CDIN1: variants seen among roughly 807,000 people sequenced by gnomAD.
CDIN1 encodes the protein CDAN1-interacting nuclease 1.
CDIN1 carries 33 observed loss-of-function variants against 45.3 expected under a neutral mutation model. The observed-to-expected ratio is 0.73, with a 90% CI of 0.55 to 0.97. The LOEUF (loss-of-function observed/expected upper bound fraction) is 0.97. CDIN1 is among the 50% of genes least tolerant of loss of function. CDIN1 has a pLI of 0.00. For synonymous variants in CDIN1, 118 were observed against 124.4 expected (o/e 0.95, Z 0.34); for missense variants, 303 against 339.4 (o/e 0.89, Z 0.84).
chr15:36,605,815 A>G (rs1261470903), intron 1 of CDIN1, among the ~76,000 whole-genome samples: 1 of 152,182 alleles, frequency 6.6e-6, no homozygotes, highest in South Asian at 2.1e-4. Context: ...ATTGCCAACA[A>G]TTCCAACAGG....
At chr15:36,804,759 G>A (rs1350095524) in intron 10 of CDIN1, 1 of 122,432 alleles carries the variant, frequency 8.2e-6, no homozygotes, top group South Asian at 2.8e-4. Context: ...TGCAACCTCC[G>A]TCTCCTGGGT....
At position 36,808,450 on chromosome 15, in the gene CDIN1, T is replaced by A; in HGVS notation, c.843T>A (p.Ala281=). ...TNIVTLCHSI[A] Reference sequence around the variant, plus strand: ...TTGTCACCTTATGCCACAGCATAGCTTGACCCTGAAGATCCTGGAAGAGAA... The same window carrying A: ...TTGTCACCTTATGCCACAGCATAGCATGACCCTGAAGATCCTGGAAGAGAA... Residue 281 remains alanine (A), a synonymous_variant, in exon 11 of 11, where the codon GCT becomes GCA. Coordinates refer to ENST00000566621, the MANE Select transcript of CDIN1 (RefSeq NM_001321759.2). 1 of 1,613,398 alleles carries A rather than the reference T, an allele frequency of 6.2e-7. No individual in the cohort carries two copies. The highest frequency in any genetic ancestry group is 8.5e-7 in the Non-Finnish European group (1 of 1,179,538).
intron 1 of CDIN1, among the ~76,000 whole-genome samples, chr15:36,620,156 C>T (rs778725001): frequency 6.6e-6 from 1 of 151,980 alleles, no homozygotes; most frequent in South Asian, 2.1e-4. Context: ...TCGAGACCAT[C>T]CTGGCTAACA....
At chr15:36,640,596 CT>C in intron 1 of CDIN1, 1 of 984,638 alleles carries the variant, frequency 1.0e-6, no homozygotes, top group Non-Finnish European at 1.2e-6. Flanking sequence ...TCCTTGTGGT[CT>C]TTTTCAGAGA....
chr15:36,642,284 T>C (rs1161326589), intron 1 of CDIN1, among the ~76,000 whole-genome samples: 1 of 152,216 alleles, frequency 6.6e-6, no homozygotes, highest in Non-Finnish European at 1.5e-5. Flanking sequence ...CAGAAACAGA[T>C]AGTTGGCTGG....
chr15:36,701,264 A>G lies in CDIN1; in HGVS notation c.544+3874A>G, dbSNP rs184809817. ...AAAAAACTCCTCAACGTTAAATTGAACCATAAGCATTGTGATCATCCCATT... is the reference window on the plus strand; with the variant it reads ...AAAAAACTCCTCAACGTTAAATTGAGCCATAAGCATTGTGATCATCCCATT... On this transcript the variant is annotated intron_variant, in intron 8 of 10. Transcript: ENST00000566621. 1.4e-4 allele frequency among the ~76,000 whole-genome samples: 22 copies of G among 152,232 alleles called. No individual in the cohort carries two copies. In the East Asian group the frequency reaches 3.9e-3, roughly 27 times the overall value.
intron 1 of CDIN1, among the ~76,000 whole-genome samples, chr15:36,611,934 T>G (rs1380307942): frequency 6.6e-6 from 1 of 152,238 alleles, no homozygotes; most frequent in Non-Finnish European, 1.5e-5. Flanking sequence ...GTAAAGTGAA[T>G]GAAGACAACT....
At chr15:36,629,686 C>T (rs1350035022) in intron 1 of CDIN1, among the ~76,000 whole-genome samples, 1 of 152,178 alleles carries the variant, frequency 6.6e-6, no homozygotes, top group South Asian at 2.1e-4. Context: ...AATCCAGTCA[C>T]TTCTGTTTTC....
intron 10 of CDIN1, among the ~76,000 whole-genome samples, chr15:36,743,513 C>T (rs2044310877): frequency 6.6e-6 from 1 of 152,138 alleles, no homozygotes; most frequent in African/African-American, 2.4e-5. Context: ...ATGCTGCAGT[C>T]AGGGTCCCTG....
intron 10 of CDIN1, chr15:36,804,674 C>CTTTTTTTTTTTTTTTTTTTT (rs3045810): frequency 2.4e-5 from 2 of 84,890 alleles, no homozygotes; most frequent in African/African-American, 4.8e-5. Context: ...CAGAGAATCA[C>CTTTTTTTTTTTTTTTTTTTT]TTTTTTTTTT....
chr15:36,739,551 G>A (rs150837123), intron 10 of CDIN1, among the ~76,000 whole-genome samples: 1 of 152,234 alleles, frequency 6.6e-6, no homozygotes, highest in Non-Finnish European at 1.5e-5. Context: ...AAAATTATTG[G>A]TATTGTTTTA....
At chr15:36,622,256 G>A (rs79076106) in intron 1 of CDIN1, among the ~76,000 whole-genome samples, 1 of 152,046 alleles carries the variant, frequency 6.6e-6, no homozygotes, top group African/African-American at 2.4e-5. Flanking sequence ...CACGTGTAGA[G>A]TGAAGCTAGT....
intron 5 of CDIN1, among the ~76,000 whole-genome samples, chr15:36,671,323 T>A (rs1321676158): frequency 6.6e-6 from 1 of 152,156 alleles, no homozygotes. Flanking sequence ...TCTTGCTTTT[T>A]GCCTGGAAGG....
chr15:36,632,332 C>T (rs570103538), intron 1 of CDIN1, among the ~76,000 whole-genome samples: 39 of 152,248 alleles, frequency 2.6e-4, no homozygotes, highest in African/African-American at 9.1e-4. Context: ...GAAGTTCTCT[C>T]ATCTGACTAA....
chr15:36,594,781 A>G (rs1169016426), intron 1 of CDIN1: 3 of 343,338 alleles, frequency 8.7e-6, no homozygotes, highest in African/African-American at 2.2e-5. Context: ...ATTGGTGCCT[A>G]TGTGGCTATT....
At chr15:36,736,752 C>T (rs1395165243) in intron 10 of CDIN1, among the ~76,000 whole-genome samples, 2 of 152,166 alleles carry the variant, frequency 1.3e-5, no homozygotes, top group Non-Finnish European at 2.9e-5. Flanking sequence ...TCTTGAAGTA[C>T]GTTTAAGGTC....
In CDIN1 at chr15:36,635,352, T is replaced by C. The variant is rs182746405; in HGVS notation, c.102-8926T>C. Among the ~76,000 whole-genome samples the C allele has an allele frequency of 3.3e-5, 5 of 152,338 alleles. No individual in the cohort carries two copies. The East Asian group carries it at 7.7e-4, about 23-fold the overall frequency. On this transcript the variant is annotated intron_variant, in intron 1 of 10. Transcript: ENST00000566621. ...GCAATTGACCCTTGAACAACATGGG[T>C]TTGAACTGTGTGAGTCCATTTATAT...
intron 5 of CDIN1, among the ~76,000 whole-genome samples, chr15:36,662,551 A>C (rs1295082239): frequency 6.6e-6 from 1 of 151,490 alleles, no homozygotes; most frequent in Non-Finnish European, 1.5e-5. Flanking sequence ...GTTTAATAGA[A>C]GAAAGTATGA....
At chr15:36,662,766 GT>G (rs2041065896) in intron 5 of CDIN1, among the ~76,000 whole-genome samples, 3 of 150,490 alleles carry the variant, frequency 2.0e-5, no homozygotes, top group Admixed American at 1.3e-4. Context: ...AGAACTCATA[GT>G]TTAGTGGAAT....
Sources: allele counts gnomAD v4.1 joint callset (sites outside exome capture counted in the v4.1 genomes callset), GRCh38; gene constraint gnomAD v4.1.1; transcripts MANE v1.5; gene names NCBI Gene and HGNC (gene_info 2026-07-23, HGNC 2026-07-21).